CACNA2D3: variants seen among roughly 807,000 people sequenced by gnomAD.
CACNA2D3 encodes voltage-dependent calcium channel subunit alpha-2/delta-3.
A neutral mutation model predicts 160.6 loss-of-function variants in CACNA2D3; 60 were observed. That is an observed-to-expected ratio of 0.37 (90% CI 0.30 to 0.46). The LOEUF (loss-of-function observed/expected upper bound fraction) is 0.46. CACNA2D3 is among the 20% of genes least tolerant of loss of function. The pLI, the probability that CACNA2D3 is intolerant of heterozygous loss-of-function variation, is 1.00. For missense variants in CACNA2D3, 1,205 were observed against 1,365.0 expected (o/e 0.88, Z 1.85); for synonymous variants, 558 against 492.9 (o/e 1.13, Z -1.75).
At chr3:54,623,940 T>C (rs1699041748) in intron 9 of CACNA2D3, among the ~76,000 whole-genome samples, 1 of 152,036 alleles carries the variant, frequency 6.6e-6, no homozygotes, top group African/African-American at 2.4e-5. Context: ...GCTGGTTTTG[T>C]GTAGGAGAGT....
At chr3:54,385,464 A>C (rs1372390701) in intron 3 of CACNA2D3, among the ~76,000 whole-genome samples, 1 of 152,186 alleles carries the variant, frequency 6.6e-6, no homozygotes, top group Non-Finnish European at 1.5e-5. Context: ...TTCTTTGACC[A>C]GTGAAGGAAA....
intron 25 of CACNA2D3, 133 bp from the exon 26 acceptor site, chr3:54,896,616 C>A: frequency 7.8e-6 from 8 of 1,019,468 alleles, no homozygotes; most frequent in Non-Finnish European, 1.1e-5. Flanking sequence ...GAGGCCCCCT[C>A]TATACTGAGA....
chr3:54,939,568 A>C (rs1701411217), intron 27 of CACNA2D3, among the ~76,000 whole-genome samples: 1 of 152,308 alleles, frequency 6.6e-6, no homozygotes, highest in African/African-American at 2.4e-5. Context: ...GGATTGGGCA[A>C]AGTGTGCTGG....
chr3:54,911,381 TGGG>T (rs969917166), intron 27 of CACNA2D3, among the ~76,000 whole-genome samples: 3 of 100,354 alleles, frequency 3.0e-5, no homozygotes, highest in African/African-American at 1.1e-4. Context: ...TTTAAAGAGA[TGGG>T]GGTCACACGT....
chr3:54,798,841 G>T (rs373273237), intron 13 of CACNA2D3, among the ~76,000 whole-genome samples: 2 of 152,188 alleles, frequency 1.3e-5, no homozygotes, highest in African/African-American at 4.8e-5. Flanking sequence ...CTGGTCACAT[G>T]TTCTGTCTTG....
In CACNA2D3 at chr3:54,154,239, T is replaced by C. The variant is rs566090616; in HGVS notation, c.204+30645T>C. Among the ~76,000 whole-genome samples the C allele has an allele frequency of 1.4e-3, 217 of 152,350 alleles. 2 individuals are homozygous for C. The highest frequency in any genetic ancestry group is 4.9e-3 in the African/African-American group (205 of 41,584). Reference sequence around the variant, plus strand: ...GTTTTTTTAAAAAAGAGAAAAAACATAGCCAATACTTGTCTAGTATTTGTT... The same window carrying C: ...GTTTTTTTAAAAAAGAGAAAAAACACAGCCAATACTTGTCTAGTATTTGTT... On this transcript the variant is annotated intron_variant, in intron 2 of 37. Coordinates refer to ENST00000474759, the MANE Select transcript of CACNA2D3 (RefSeq NM_018398.3).
chr3:54,891,320 G>A (rs1423122099), intron 24 of CACNA2D3, 35 bp from the exon 25 acceptor site: 2 of 1,447,486 alleles, frequency 1.4e-6, no homozygotes, highest in East Asian at 4.5e-5. Context: ...TTACTGTCTA[G>A]AGGCCTCCCC....
chr3:54,152,651 A>G lies in CACNA2D3; in HGVS notation c.204+29057A>G, dbSNP rs372726685. On this transcript the variant is annotated intron_variant, in intron 2 of 37. Transcript: ENST00000474759. ...GGCAAAGGCAAAATGAAACCACAGA[A>G]TGCAATTGTCCTGTCTTCCCTTCTT... 8.0e-4 allele frequency among the ~76,000 whole-genome samples: 122 copies of G among 152,364 alleles called. 1 individual carries two copies. The South Asian group carries it at 0.021, about 26-fold the overall frequency.
intron 13 of CACNA2D3, among the ~76,000 whole-genome samples, chr3:54,805,663 G>A (rs975856382): frequency 3.4e-4 from 52 of 152,100 alleles, no homozygotes; most frequent in African/African-American, 9.7e-4. Flanking sequence ...AACTATTCCA[G>A]TCAATAGAAA....
chr3:54,327,656 A>C (rs568116129), intron 3 of CACNA2D3, among the ~76,000 whole-genome samples: 3 of 152,110 alleles, frequency 2.0e-5, no homozygotes, highest in African/African-American at 7.3e-5. Context: ...ATACATATTC[A>C]TCGTGAAAGA....
intron 9 of CACNA2D3, among the ~76,000 whole-genome samples, chr3:54,621,803 A>G (rs1329087390): frequency 6.6e-6 from 1 of 152,196 alleles, no homozygotes; most frequent in East Asian, 1.9e-4. Flanking sequence ...GGTCTATTAG[A>G]TTATAAAGTT....
Position 54,387,524 on chromosome 3 carries a change from C to T in CACNA2D3, c.381+750C>T, listed in dbSNP as rs534005460. Among the ~76,000 whole-genome samples, 140 of 152,166 alleles carry T rather than the reference C, an allele frequency of 9.2e-4. 3 individuals carry two copies. The highest frequency in any genetic ancestry group is 1.5e-3 in the Non-Finnish European group (105 of 68,002). On this transcript the variant is annotated intron_variant, in intron 4 of 37. Transcript: ENST00000474759. ...AAAATTAGCTGGGCGTGGTAGCGCA[C>T]GCCTGTAATCCCAGCTACTTGGGAA...
intron 21 of CACNA2D3, among the ~76,000 whole-genome samples, chr3:54,881,530 C>T (rs1182299426): frequency 6.6e-6 from 1 of 152,164 alleles, no homozygotes; most frequent in African/African-American, 2.4e-5. Flanking sequence ...CATGTGCTAT[C>T]CTTTTCATCT....
intron 18 of CACNA2D3, chr3:54,877,200 C>G (rs1240205458): frequency 6.6e-6 from 1 of 152,186 alleles, no homozygotes; most frequent in Non-Finnish European, 1.5e-5. Flanking sequence ...AGATGTATTT[C>G]TTACATGGCT....
chr3:54,925,362 C>T (rs1340263435), intron 27 of CACNA2D3: 3 of 656,412 alleles, frequency 4.6e-6, no homozygotes, highest in Non-Finnish European at 7.8e-6. Context: ...CACTCACCGT[C>T]TTTAGTAGAG....
chr3:54,813,835 A>T (rs1035979555), intron 13 of CACNA2D3, among the ~76,000 whole-genome samples: 1 of 151,512 alleles, frequency 6.6e-6, no homozygotes, highest in Non-Finnish European at 1.5e-5. Context: ...CTTATTTATA[A>T]CAAATTCTGC....
chr3:54,949,413 G>C (rs1467664111), intron 27 of CACNA2D3, among the ~76,000 whole-genome samples: 2 of 152,172 alleles, frequency 1.3e-5, no homozygotes, highest in African/African-American at 2.4e-5. Context: ...TTCCAGCTCA[G>C]CTGGAGTTCA....
At chr3:54,162,340 G>A (rs555418932) in intron 2 of CACNA2D3, among the ~76,000 whole-genome samples, 2 of 152,274 alleles carry the variant, frequency 1.3e-5, no homozygotes, top group Middle Eastern at 3.4e-3. Flanking sequence ...AGGATGACTT[G>A]ATGGCTGGGG....
At chr3:54,317,442 C>T (rs531904648) in intron 2 of CACNA2D3, among the ~76,000 whole-genome samples, 73 of 152,230 alleles carry the variant, frequency 4.8e-4, no homozygotes, top group African/African-American at 1.7e-3. Flanking sequence ...TCAAGGGGCC[C>T]GAATCTGGCA....
Sources: gnomAD v4.1 joint callset for allele counts (sites outside exome capture counted in the v4.1 genomes callset) on GRCh38, gnomAD v4.1.1 for gene constraint, MANE v1.5 for transcripts, NCBI Gene and HGNC (gene_info 2026-07-23, HGNC 2026-07-21) for gene names.